Variants in PICALM observed in about 807,000 individuals in gnomAD.
PICALM encodes phosphatidylinositol-binding clathrin assembly protein.
PICALM carries 40 observed loss-of-function variants against 80.5 expected under a neutral mutation model. The observed-to-expected ratio is 0.50, with a 90% CI of 0.39 to 0.65. PICALM has a LOEUF of 0.65. PICALM is among the 30% of genes least tolerant of loss of function. PICALM has a pLI of 0.00. For missense variants in PICALM, 676 were observed against 778.9 expected (o/e 0.87, Z 1.57); for synonymous variants, 288 against 260.3 (o/e 1.11, Z -1.02).
intron 3 of PICALM, among the ~76,000 whole-genome samples, chr11:86,022,912 T>A (rs535947987): frequency 6.6e-6 from 1 of 152,154 alleles, no homozygotes; most frequent in Non-Finnish European, 1.5e-5. Context: ...ATAACTTGTA[T>A]GTGCCAACCT....
rs1206889548 is a variant in PICALM at position 85,997,018 on chromosome 11, A to AT, written c.1155-90dup. The AT allele has an allele frequency of 5.8e-5, 39 of 674,480 alleles. No individual in the cohort carries two copies. In the Admixed American group the frequency reaches 1.2e-3, roughly 20 times the overall value. 41.8% of individuals were successfully genotyped at this position (674,480 alleles called of 1,614,324 possible). A position where few individuals can be genotyped will look rare whatever the true frequency, so the allele number is the denominator to read the frequency against. On this transcript the variant is annotated intron_variant, in intron 11 of 19. Transcript: ENST00000393346. ...TTCTCCACCCACCACAGATAAAAACATTAAAAACAAGGGAGAAAAGTCTCA... is the reference window on the plus strand; with the variant it reads ...TTCTCCACCCACCACAGATAAAAACATTTAAAAACAAGGGAGAAAAGTCTCA...
At chr11:86,035,660 C>A (rs1285489286) in intron 1 of PICALM, among the ~76,000 whole-genome samples, 1 of 151,930 alleles carries the variant, frequency 6.6e-6, no homozygotes, top group Non-Finnish European at 1.5e-5. Context: ...ACTGGAGATA[C>A]GGCTGGGCAC....
intron 7 of PICALM, among the ~76,000 whole-genome samples, chr11:86,008,404 G>A (rs1023206622): frequency 3.9e-5 from 6 of 151,904 alleles, no homozygotes; most frequent in Non-Finnish European, 8.8e-5. Flanking sequence ...GGCGGATCAC[G>A]AGGTCAGGAG....
intron 1 of PICALM, among the ~76,000 whole-genome samples, chr11:86,057,927 G>A (rs2096295029): frequency 6.6e-6 from 1 of 152,088 alleles, no homozygotes; most frequent in Admixed American, 6.6e-5. Context: ...TATAGATACT[G>A]AAGGACAACC....
chr11:86,065,216 G>A (rs901663078), intron 1 of PICALM, among the ~76,000 whole-genome samples: 6 of 152,306 alleles, frequency 3.9e-5, no homozygotes, highest in East Asian at 1.9e-4. Flanking sequence ...GGGAGGCCGA[G>A]GCGGGCGAAT....
At position 85,958,812 on chromosome 11, in the gene PICALM, C is replaced by T; in HGVS notation, c.*234G>A. On this transcript the variant is annotated 3_prime_UTR_variant, in exon 20 of 20. Transcript: ENST00000393346. ...ATTGAAGGGTTAGTCACCAAAAAGA[C>T]AGATCTTAGTCTTAAATCATAGCAA... 2.5e-6 allele frequency: 1 copy of T among 407,620 alleles called. No individual in the cohort carries two copies. The highest frequency in any genetic ancestry group is 4.4e-6 in the Non-Finnish European group (1 of 226,308). The allele number at this position is 407,620 out of a possible 1,614,324, so 25.3% of individuals were successfully genotyped here. A position where few individuals can be genotyped will look rare whatever the true frequency, so the allele number is the denominator to read the frequency against.
chr11:86,065,090 G>A (rs928115243), intron 1 of PICALM, among the ~76,000 whole-genome samples: 4 of 151,800 alleles, frequency 2.6e-5, no homozygotes, highest in Admixed American at 2.0e-4. Flanking sequence ...AAAAAGGGGT[G>A]GGGTTAAGAC....
At chr11:85,959,084 T>C (rs768750085) in intron 19 of PICALM, 24 bp from the exon 20 acceptor site, 74 of 1,522,814 alleles carry the variant, frequency 4.9e-5, no homozygotes, top group Non-Finnish European at 2.1e-5. Flanking sequence ...GTGGGTATGT[T>C]AATTCATTGT....
intron 1 of PICALM, among the ~76,000 whole-genome samples, chr11:86,048,138 A>G (rs1445506047): frequency 6.6e-6 from 1 of 152,216 alleles, no homozygotes; most frequent in South Asian, 2.1e-4. Context: ...ATGCGAAGCA[A>G]TGGTTCTCTC....
chr11:86,020,317 T>C (rs923943069), intron 4 of PICALM, among the ~76,000 whole-genome samples: 4 of 150,760 alleles, frequency 2.7e-5, no homozygotes, highest in Non-Finnish European at 4.4e-5. Context: ...ATAGATTCAA[T>C]GCAATCCCCC....
chr11:86,010,988 C>T lies in PICALM; in HGVS notation c.765+42G>A, dbSNP rs183518670. ...TGACTTCAAAATCCATACTTACAGA[C>T]AAAAAGGCAAGTTAGGAGACAGTCA... On this transcript the variant is annotated intron_variant, in intron 7 of 19. Transcript: ENST00000393346. 4.2e-5 allele frequency: 36 copies of T among 849,536 alleles called. No homozygotes were observed. In the African/African-American group the frequency reaches 5.1e-4, roughly 12 times the overall value. 52.6% of individuals were successfully genotyped at this position (849,536 alleles called of 1,614,324 possible).
chr11:86,069,246 G>A (rs911366475), upstream of PICALM: 1 of 177,878 alleles, frequency 5.6e-6, no homozygotes, highest in African/African-American at 2.4e-5. Flanking sequence ...CGCGCGTTAC[G>A]TGATGGAACT....
At chr11:86,065,045 T>C (rs1022297455) in intron 1 of PICALM, among the ~76,000 whole-genome samples, 1 of 152,094 alleles carries the variant, frequency 6.6e-6, no homozygotes, top group Non-Finnish European at 1.5e-5. Context: ...ATCCTGCCAC[T>C]GCACACCAGA....
rs772516870 is a variant in PICALM at position 86,012,271 on chromosome 11, C to A, written c.658+10G>T. On this transcript the variant is annotated intron_variant, in intron 6 of 19. Coordinates refer to ENST00000393346, the MANE Select transcript of PICALM (RefSeq NM_007166.4). ...GATAAGAAATGTTATTAGGCTACAG[C>A]AGTATTTACCCAACAAATTAATAAT... 1.5e-6 allele frequency: 2 copies of A among 1,372,864 alleles called. No individual in the cohort carries two copies. Among genetic ancestry groups the A allele is most frequent in the South Asian group, 1.2e-5 (1 of 84,790 alleles). 85.0% of individuals were successfully genotyped at this position (1,372,864 alleles called of 1,614,324 possible). A position where few individuals can be genotyped will look rare whatever the true frequency, so the allele number is the denominator to read the frequency against.
At chr11:85,972,802 T>G (rs2094151064) in intron 19 of PICALM, among the ~76,000 whole-genome samples, 1 of 152,100 alleles carries the variant, frequency 6.6e-6, no homozygotes, top group Non-Finnish European at 1.5e-5. Flanking sequence ...AAGTTAAATG[T>G]ACAAATAACA....
chr11:86,004,138 T>C (rs1442225276), intron 8 of PICALM, among the ~76,000 whole-genome samples: 1 of 152,226 alleles, frequency 6.6e-6, no homozygotes, highest in Non-Finnish European at 1.5e-5. Context: ...TAATGTTTAA[T>C]GTGGCTTTAT....
chr11:85,997,894 T>C (rs142645532), intron 11 of PICALM, among the ~76,000 whole-genome samples: 2 of 152,180 alleles, frequency 1.3e-5, no homozygotes, highest in African/African-American at 4.8e-5. Context: ...GTGACTGGCA[T>C]GCCTTAGCCT....
At chr11:86,024,962 A>G (rs1359603234) in intron 3 of PICALM, among the ~76,000 whole-genome samples, 2 of 152,188 alleles carry the variant, frequency 1.3e-5, no homozygotes, top group Non-Finnish European at 2.9e-5. Context: ...TTCCCAATTC[A>G]TTTGGCATAT....
chr11:85,993,191 A>G (rs34766621), intron 12 of PICALM, among the ~76,000 whole-genome samples: 15,084 of 151,824 alleles, frequency 0.099, 911 homozygotes, highest in Admixed American at 0.15. Flanking sequence ...TGCTCAAGCA[A>G]TCCCCCCACT....
Sources: allele counts gnomAD v4.1 joint callset (sites outside exome capture counted in the v4.1 genomes callset), GRCh38; gene constraint gnomAD v4.1.1; transcripts MANE v1.5; gene names NCBI Gene and HGNC (gene_info 2026-07-23, HGNC 2026-07-21).